The following JPH1 variants were observed in gnomAD, a reference collection of about 807,000 sequenced individuals.
JPH1 encodes junctophilin 1, also known as junctophilin-1.
JPH1 carries 12 observed loss-of-function variants against 53.6 expected under a neutral mutation model. The observed-to-expected ratio is 0.22, with a 90% CI of 0.14 to 0.36. The LOEUF is 0.36. Among genes scored for constraint, JPH1 ranks in the 10% least tolerant of loss-of-function variants. JPH1 has a pLI of 1.00. For synonymous variants in JPH1, 375 were observed against 363.8 expected, an observed-to-expected ratio of 1.03 and a Z score of -0.35; for missense variants, 808 against 905.5, an observed-to-expected ratio of 0.89 and a Z score of 1.38.
intron 2 of JPH1, among the ~76,000 whole-genome samples, chr8:74,272,179 C>T (rs1806719192): frequency 6.6e-6 from 1 of 152,158 alleles, no homozygotes; most frequent in African/African-American, 2.4e-5. Flanking sequence ...TTTTTCATTG[C>T]TGTCCAAATC....
chr8:74,247,254 T>C (rs2131379781), intron 3 of JPH1, among the ~76,000 whole-genome samples: 1 of 152,328 alleles, frequency 6.6e-6, no homozygotes, highest in East Asian at 1.9e-4. Context: ...CTCACTTCTC[T>C]ACCCAAAATT....
chr8:74,275,549 T>C (rs1485784903), intron 2 of JPH1, among the ~76,000 whole-genome samples: 1 of 152,222 alleles, frequency 6.6e-6, no homozygotes, highest in Non-Finnish European at 1.5e-5. Flanking sequence ...TTTTCTTTTC[T>C]TTTTCTAAGA....
chr8:74,301,702 A>G (rs1376615880), intron 2 of JPH1, among the ~76,000 whole-genome samples: 1 of 152,184 alleles, frequency 6.6e-6, no homozygotes, highest in Admixed American at 6.5e-5. Context: ...TCATCCCTGT[A>G]AGCCCCATAT....
At chr8:74,281,471 C>CA (rs1807015690) in intron 2 of JPH1, among the ~76,000 whole-genome samples, 1 of 152,220 alleles carries the variant, frequency 6.6e-6, no homozygotes, top group African/African-American at 2.4e-5. Context: ...TTCAGTTGGA[C>CA]AGACCTAGCC....
At chr8:74,240,175 T>C (rs1319334619) in intron 4 of JPH1, among the ~76,000 whole-genome samples, 2 of 152,150 alleles carry the variant, frequency 1.3e-5, no homozygotes, top group Non-Finnish European at 2.9e-5. Flanking sequence ...TTTCACCATG[T>C]TGGCCAGGCT....
chr8:74,304,190 A>G (rs567017876), intron 2 of JPH1, among the ~76,000 whole-genome samples: 3 of 152,278 alleles, frequency 2.0e-5, no homozygotes, highest in Non-Finnish European at 4.4e-5. Flanking sequence ...ATCTGTCCTA[A>G]CCAGACTCCA....
In JPH1 at chr8:74,315,500, CGCA is replaced by C; in HGVS notation, c.497_499del (p.Leu166del). ...CACGCTGCCATTGCTCTGCTCGCTG[CGCA>C]GCGAGGCCAGCGAGGTACGCAGCGG... On this transcript the variant is annotated inframe_deletion, in exon 2 of 6. Transcript: ENST00000342232. The surrounding 1 kb of genome is among the most constrained non-coding windows in gnomAD (Gnocchi z 6.3). 1 of 1,605,748 alleles carries C rather than the reference CGCA, an allele frequency of 6.2e-7. No individual in the cohort carries two copies. Among genetic ancestry groups the C allele is most frequent in the Non-Finnish European group, 8.5e-7 (1 of 1,177,036 alleles).
At chr8:74,317,778 T>G in intron 1 of JPH1, among the ~76,000 whole-genome samples, 1 of 152,218 alleles carries the variant, frequency 6.6e-6, no homozygotes, top group Non-Finnish European at 1.5e-5. Context: ...TCTTGGTAAA[T>G]GTTTAACACT....
chr8:74,242,043 G>C (rs983787096), intron 4 of JPH1, among the ~76,000 whole-genome samples: 1 of 152,116 alleles, frequency 6.6e-6, no homozygotes, highest in African/African-American at 2.4e-5. Flanking sequence ...ATTGCCCACA[G>C]GGGTCACAAA....
At chr8:74,286,213 T>C (rs1009917474) in intron 2 of JPH1, among the ~76,000 whole-genome samples, 4 of 152,210 alleles carry the variant, frequency 2.6e-5, no homozygotes, top group Admixed American at 2.0e-4. Context: ...GTCTTTCCGA[T>C]GCAACTGTCC....
At chr8:74,316,474 C>G (rs1433135130) in intron 1 of JPH1, among the ~76,000 whole-genome samples, 5 of 152,152 alleles carry the variant, frequency 3.3e-5, no homozygotes, top group Non-Finnish European at 7.3e-5. Flanking sequence ...ACACAAAATT[C>G]TCATGTGTCC....
intron 2 of JPH1, among the ~76,000 whole-genome samples, chr8:74,307,543 T>C (rs1807875029): frequency 2.6e-5 from 4 of 152,200 alleles, no homozygotes; most frequent in Admixed American, 2.0e-4. Flanking sequence ...AACTAATGCT[T>C]TCCTTAGCAA....
intron 3 of JPH1, 79 bp from the exon 4 acceptor site, chr8:74,245,254 T>A: frequency 1.6e-6 from 2 of 1,238,242 alleles, no homozygotes; most frequent in Non-Finnish European, 2.2e-6. Context: ...ATTAACCTTT[T>A]CTCTTTTAAA....
chr8:74,311,540 A>G (rs910953988), intron 2 of JPH1, among the ~76,000 whole-genome samples: 26 of 151,936 alleles, frequency 1.7e-4, no homozygotes, highest in Non-Finnish European at 1.6e-4. Flanking sequence ...TTATTATTAT[A>G]CTTTAAGTTT....
At chr8:74,277,193 C>T (rs934893358) in intron 2 of JPH1, among the ~76,000 whole-genome samples, 4 of 152,158 alleles carry the variant, frequency 2.6e-5, no homozygotes, top group African/African-American at 9.7e-5. Context: ...CCTGCAAAGC[C>T]ACCCTGAGGC....
At chr8:74,285,465 C>G (rs1250054362) in intron 2 of JPH1, among the ~76,000 whole-genome samples, 1 of 151,694 alleles carries the variant, frequency 6.6e-6, no homozygotes, top group East Asian at 1.9e-4. Flanking sequence ...TAAAAAAAAG[C>G]CTAGGATGCA....
intron 2 of JPH1, among the ~76,000 whole-genome samples, chr8:74,291,191 G>A (rs1435527872): frequency 6.6e-6 from 1 of 152,174 alleles, no homozygotes; most frequent in Non-Finnish European, 1.5e-5. Context: ...AGAGTGACTA[G>A]GCAACCTACA....
chr8:74,277,768 G>A (rs1335640383), intron 2 of JPH1, among the ~76,000 whole-genome samples: 1 of 152,110 alleles, frequency 6.6e-6, no homozygotes, highest in Admixed American at 6.5e-5. Flanking sequence ...AGGCAATGCT[G>A]GGCAAAGAAT....
intron 2 of JPH1, among the ~76,000 whole-genome samples, chr8:74,281,327 G>A (rs1367782282): frequency 6.6e-6 from 1 of 152,186 alleles, no homozygotes; most frequent in Non-Finnish European, 1.5e-5. Flanking sequence ...GGATCAGAAT[G>A]TTACCAGTGG....
Sources: allele counts gnomAD v4.1 joint callset (sites outside exome capture counted in the v4.1 genomes callset), GRCh38; gene constraint gnomAD v4.1.1; non-coding constraint Gnocchi (gnomAD v3.1); transcripts MANE v1.5; gene names NCBI Gene and HGNC (gene_info 2026-07-23, HGNC 2026-07-21).